LYPLA1: variants seen among roughly 807,000 people sequenced by gnomAD.
LYPLA1 encodes lysophospholipase 1, also known as acyl-protein thioesterase 1.
In LYPLA1, 17 loss-of-function variants were observed where a neutral mutation model predicts 34.0. That is an observed-to-expected ratio of 0.50 (90% CI 0.34 to 0.75). The LOEUF (loss-of-function observed/expected upper bound fraction) is 0.75. Among genes scored for constraint, LYPLA1 ranks in the 30% least tolerant of loss-of-function variants. The pLI is 0.01. For synonymous variants in LYPLA1, 98 were observed against 100.8 expected (o/e 0.97, Z 0.17); for missense variants, 203 against 288.8 (o/e 0.70, Z 2.15).
intron 2 of LYPLA1, among the ~76,000 whole-genome samples, chr8:54,086,605 C>T (rs975572729): frequency 3.4e-5 from 5 of 146,460 alleles, no homozygotes; most frequent in African/African-American, 1.3e-4. Flanking sequence ...GGCTCACACT[C>T]GTAATCCAAC....
chr8:54,052,475 G>C (rs1805911644), intron 7 of LYPLA1, among the ~76,000 whole-genome samples, 180 bp downstream of exon 7: 1 of 152,114 alleles, frequency 6.6e-6, no homozygotes, highest in Admixed American at 6.6e-5. Context: ...GGCTGTGCAT[G>C]TGTGGGGACA....
At chr8:54,054,056 C>T (rs1806032338) in intron 6 of LYPLA1, among the ~76,000 whole-genome samples, 1 of 152,204 alleles carries the variant, frequency 6.6e-6, no homozygotes, top group African/African-American at 2.4e-5. Context: ...TCTTGGCTCA[C>T]TGCAACCTCT....
chr8:54,060,018 A>C (rs560472508), intron 5 of LYPLA1, among the ~76,000 whole-genome samples: 4 of 152,310 alleles, frequency 2.6e-5, no homozygotes, highest in Non-Finnish European at 5.9e-5. Context: ...AAGAGTCACC[A>C]ACCAGATTTT....
chr8:54,091,596 G>A lies in LYPLA1; in HGVS notation c.101+9312C>T, dbSNP rs200674165. ...GAAAGAAAGAAAAGGAAGGAAGGAA[G>A]GAAGGAAGGAAGGAAGGAAGGAAGG... On this transcript the variant is annotated intron_variant, in intron 2 of 8. Transcript: ENST00000316963. 1.5e-3 allele frequency among the ~76,000 whole-genome samples: 180 copies of A among 123,996 alleles called. 2 individuals carry two copies. The highest frequency in any genetic ancestry group is 6.0e-3 in the African/African-American group (175 of 29,364). 81.3% of individuals were successfully genotyped at this position (123,996 alleles called of 152,430 possible).
At chr8:54,074,970 C>T (rs1807780011) in intron 2 of LYPLA1, among the ~76,000 whole-genome samples, 2 of 152,236 alleles carry the variant, frequency 1.3e-5, no homozygotes. Context: ...CCAGGCTATA[C>T]TAGCCAAGCT....
intron 3 of LYPLA1, 82 bp from the exon 4 acceptor site, chr8:54,063,457 T>C: frequency 1.2e-6 from 1 of 825,822 alleles, no homozygotes; most frequent in Non-Finnish European, 1.9e-6. Context: ...AACAGATAAT[T>C]GCTTGAGACC....
At chr8:54,084,337 G>A (rs1372605111) in intron 2 of LYPLA1, among the ~76,000 whole-genome samples, 1 of 151,806 alleles carries the variant, frequency 6.6e-6, no homozygotes, top group East Asian at 1.9e-4. Flanking sequence ...TTGGGAAGCT[G>A]AGGCGGGTGG....
chr8:54,077,311 G>A (rs975415122), intron 2 of LYPLA1, among the ~76,000 whole-genome samples: 6 of 152,092 alleles, frequency 3.9e-5, no homozygotes, highest in African/African-American at 9.7e-5. Context: ...TGGATACTAG[G>A]AGAGGAACAA....
At chr8:54,045,745 T>TA (rs1327503297), downstream of LYPLA1, 3 of 152,088 alleles carry the variant, frequency 2.0e-5, no homozygotes, top group African/African-American at 7.2e-5. Context: ...GACACTAATT[T>TA]AAAAAACCCA....
chr8:54,073,952 T>C (rs915536856), intron 2 of LYPLA1, among the ~76,000 whole-genome samples: 1 of 152,130 alleles, frequency 6.6e-6, no homozygotes, highest in Non-Finnish European at 1.5e-5. Context: ...GTAGAGGTGA[T>C]CAAAATCAAT....
intron 2 of LYPLA1, among the ~76,000 whole-genome samples, chr8:54,093,246 C>G (rs959087121): frequency 2.0e-5 from 3 of 152,174 alleles, no homozygotes; most frequent in Non-Finnish European, 4.4e-5. Context: ...AGTGTTCCCC[C>G]CAAATTCACA....
chr8:54,061,773 C>A (rs910653686), intron 5 of LYPLA1, among the ~76,000 whole-genome samples: 2 of 152,120 alleles, frequency 1.3e-5, no homozygotes, highest in Admixed American at 6.5e-5. Flanking sequence ...CACAGCAAGA[C>A]CCTCTCTGGG....
At chr8:54,080,493 C>T (rs570691751) in intron 2 of LYPLA1, among the ~76,000 whole-genome samples, 2 of 152,012 alleles carry the variant, frequency 1.3e-5, no homozygotes, top group African/African-American at 2.4e-5. Context: ...AGATGACAGC[C>T]GTATTCCTTT....
intron 2 of LYPLA1, 78 bp from the exon 3 acceptor site, chr8:54,065,891 A>C (rs1226519039): frequency 1.1e-6 from 1 of 923,010 alleles, no homozygotes; most frequent in East Asian, 2.4e-5. Context: ...GAGTAGCTTT[A>C]AAAAATTGTG....
intron 2 of LYPLA1, among the ~76,000 whole-genome samples, chr8:54,071,104 T>C (rs1190603825): frequency 2.0e-5 from 3 of 151,798 alleles, no homozygotes; most frequent in African/African-American, 4.8e-5. Context: ...AGTTGAAGAG[T>C]CACTCTGCAG....
intron 2 of LYPLA1, among the ~76,000 whole-genome samples, chr8:54,083,462 T>C (rs148635914): frequency 1.8e-4 from 28 of 152,322 alleles, no homozygotes; most frequent in Admixed American, 1.7e-3. Flanking sequence ...TTATGATGAA[T>C]TTATCATGAT....
intron 8 of LYPLA1, among the ~76,000 whole-genome samples, chr8:54,049,990 C>G (rs1184286277): frequency 6.6e-6 from 1 of 152,206 alleles, no homozygotes; most frequent in Admixed American, 6.5e-5. Context: ...CACCCATACT[C>G]TCAACACCTA....
At chr8:54,101,078 T>C (rs1251923244) in intron 1 of LYPLA1, 139 bp from the exon 2 acceptor site, 1 of 670,256 alleles carries the variant, frequency 1.5e-6, no homozygotes, top group Non-Finnish European at 2.4e-6. Flanking sequence ...CGACTTAATC[T>C]TTATCGACCT....
At chr8:54,084,654 C>T (rs1808571131) in intron 2 of LYPLA1, among the ~76,000 whole-genome samples, 1 of 151,714 alleles carries the variant, frequency 6.6e-6, no homozygotes, top group South Asian at 2.1e-4. Flanking sequence ...TTAGCTAGAT[C>T]AACCAAAGAA....
Sources: gnomAD v4.1 joint callset for allele counts (sites outside exome capture counted in the v4.1 genomes callset) on GRCh38, gnomAD v4.1.1 for gene constraint, MANE v1.5 for transcripts, NCBI Gene and HGNC (gene_info 2026-07-23, HGNC 2026-07-21) for gene names.